CTNNA2: variants seen among roughly 807,000 people sequenced by gnomAD.
CTNNA2 encodes the protein catenin alpha 2.
Under a neutral mutation model 101.0 loss-of-function variants are expected in CTNNA2, and 42 were observed. That is an observed-to-expected ratio of 0.42 (90% CI 0.32 to 0.54). The LOEUF (loss-of-function observed/expected upper bound fraction) is 0.54, where lower values mean the gene tolerates loss of function less well. Among genes scored for constraint, CTNNA2 ranks in the 20% least tolerant of loss-of-function variants. CTNNA2 has a pLI of 0.14. For synonymous variants in CTNNA2, 450 were observed against 456.4 expected (o/e 0.99, Z 0.18); for missense variants, 871 against 1,223.1 (o/e 0.71, Z 4.29).
chr2:79,392,942 A>T (rs912467679), intron 4 of CTNNA2, among the ~76,000 whole-genome samples: 8 of 152,232 alleles, frequency 5.3e-5, no homozygotes, highest in African/African-American at 9.6e-5. Context: ...AACTCTGAAT[A>T]TATTCCATCT....
At chr2:79,714,535 A>G (rs1202867553) in intron 2 of CTNNA2, among the ~76,000 whole-genome samples, 1 of 152,184 alleles carries the variant, frequency 6.6e-6, no homozygotes, top group Non-Finnish European at 1.5e-5. Flanking sequence ...CCGCTTTCCT[A>G]TCAATGTACA....
At chr2:79,986,321 C>T (rs1314475162) in intron 7 of CTNNA2, among the ~76,000 whole-genome samples, 1 of 152,098 alleles carries the variant, frequency 6.6e-6, no homozygotes, top group Non-Finnish European at 1.5e-5. Flanking sequence ...TGAGGATATT[C>T]CTCTTTACTT....
chr2:79,705,548 C>G (rs552263566), intron 2 of CTNNA2, among the ~76,000 whole-genome samples: 11 of 152,124 alleles, frequency 7.2e-5, no homozygotes, highest in African/African-American at 2.4e-4. Context: ...AGGAGTTTTT[C>G]CAAAACGACT....
chr2:80,106,801 G>C (rs997091748), intron 7 of CTNNA2, among the ~76,000 whole-genome samples: 1 of 152,108 alleles, frequency 6.6e-6, no homozygotes, highest in Non-Finnish European at 1.5e-5. Flanking sequence ...GAGGCGCCTG[G>C]CGTAAGATGA....
chr2:80,325,974 CTT>C (rs1679204401), intron 7 of CTNNA2, among the ~76,000 whole-genome samples: 1 of 152,110 alleles, frequency 6.6e-6, no homozygotes. Flanking sequence ...GTCCAGCGGT[CTT>C]TTTATTGAAC....
chr2:80,066,859 G>C (rs138274461), intron 7 of CTNNA2, among the ~76,000 whole-genome samples: 2 of 152,240 alleles, frequency 1.3e-5, no homozygotes, highest in Non-Finnish European at 2.9e-5. Context: ...TGAATGGATG[G>C]ATAAAGAAAA....
chr2:79,838,416 A>G (rs1679556001), intron 3 of CTNNA2, among the ~76,000 whole-genome samples: 1 of 152,172 alleles, frequency 6.6e-6, no homozygotes, highest in Non-Finnish European at 1.5e-5. Flanking sequence ...TGTGTTTTCG[A>G]AAAATACAGA....
intron 1 of CTNNA2, among the ~76,000 whole-genome samples, chr2:79,558,761 T>G (rs925987013): frequency 2.0e-5 from 3 of 151,998 alleles, no homozygotes; most frequent in African/African-American, 7.2e-5. Context: ...TCAGCGTTTT[T>G]GTGGAAACAA....
chr2:79,362,386 G>T (rs565370860), intron 3 of CTNNA2, among the ~76,000 whole-genome samples: 1 of 152,270 alleles, frequency 6.6e-6, no homozygotes, highest in South Asian at 2.1e-4. Context: ...CTTGTTGAAT[G>T]GTTAGATCAA....
chr2:79,549,996 C>T (rs1167783172), intron 1 of CTNNA2, among the ~76,000 whole-genome samples: 1 of 152,074 alleles, frequency 6.6e-6, no homozygotes, highest in African/African-American at 2.4e-5. Flanking sequence ...GATCCGTGGA[C>T]CTAGTGGACC....
intron 7 of CTNNA2, among the ~76,000 whole-genome samples, chr2:80,223,197 G>A (rs73938241): frequency 0.015 from 2,214 of 152,254 alleles, 55 homozygotes; most frequent in African/African-American, 0.051. Flanking sequence ...TGTAACAGAG[G>A]CTTTCTTTGA....
intron 18 of CTNNA2, among the ~76,000 whole-genome samples, chr2:80,621,833 A>G (rs1198357104): frequency 6.6e-6 from 1 of 151,926 alleles, no homozygotes; most frequent in Admixed American, 6.6e-5. Context: ...ACATGTGCCA[A>G]GTGCCGACTT....
intron 7 of CTNNA2, among the ~76,000 whole-genome samples, chr2:80,211,733 G>GT (rs1466291482): frequency 1.3e-5 from 2 of 152,072 alleles, no homozygotes; most frequent in Admixed American, 6.6e-5. Flanking sequence ...CTTTAAAGTA[G>GT]TTTTTTTCCA....
At chr2:80,608,063 TTAAA>T (rs1340342990) in intron 16 of CTNNA2, 117 bp from the exon 17 acceptor site, 1 of 876,546 alleles carries the variant, frequency 1.1e-6, no homozygotes, top group Admixed American at 2.7e-5. Context: ...AAAAGTTAAG[TTAAA>T]TGAATGTAAT....
At chr2:80,362,197 A>G (rs1345253539) in intron 7 of CTNNA2, among the ~76,000 whole-genome samples, 2 of 152,138 alleles carry the variant, frequency 1.3e-5, no homozygotes, top group African/African-American at 2.4e-5. Context: ...TTCTTCCTTG[A>G]TAACATTTCA....
intron 7 of CTNNA2, among the ~76,000 whole-genome samples, chr2:79,983,357 C>A (rs1691523710): frequency 6.6e-6 from 1 of 151,822 alleles, no homozygotes; most frequent in African/African-American, 2.4e-5. Context: ...AGGAGACACA[C>A]AATAAATACA....
intron 9 of CTNNA2, among the ~76,000 whole-genome samples, chr2:80,446,369 CT>C (rs1683071028): frequency 1.3e-5 from 2 of 152,168 alleles, no homozygotes; most frequent in African/African-American, 4.8e-5. Context: ...AACACACTAT[CT>C]TGAAGAAAAT....
intron 2 of CTNNA2, among the ~76,000 whole-genome samples, chr2:79,670,081 C>G (rs1415428004): frequency 6.6e-6 from 1 of 152,162 alleles, no homozygotes; most frequent in Non-Finnish European, 1.5e-5. Context: ...CCTGGGGCCC[C>G]CGAGGGTGCA....
chr2:80,098,850 T>G (rs1700352428), intron 7 of CTNNA2, among the ~76,000 whole-genome samples: 1 of 152,186 alleles, frequency 6.6e-6, no homozygotes, highest in Non-Finnish European at 1.5e-5. Context: ...TTAAGCCTGT[T>G]GGAAAAGCGC....
Sources: gnomAD v4.1 joint callset for allele counts (sites outside exome capture counted in the v4.1 genomes callset) on GRCh38, gnomAD v4.1.1 for gene constraint, MANE v1.5 for transcripts, NCBI Gene and HGNC (gene_info 2026-07-23, HGNC 2026-07-21) for gene names.